The following ARL15 variants were observed in gnomAD, a reference collection of about 807,000 sequenced individuals.
ARL15 encodes ADP-ribosylation factor-like protein 15.
ARL15 carries 19 observed loss-of-function variants against 25.2 expected under a neutral mutation model. That is an observed-to-expected ratio of 0.75 (90% CI 0.53 to 1.10). ARL15 has a LOEUF of 1.10. Ranked by LOEUF, ARL15 falls within the 50% of genes least tolerant of loss-of-function variation. ARL15 has a pLI of 0.00. For synonymous variants in ARL15, 94 were observed against 86.8 expected, an observed-to-expected ratio of 1.08 and a Z score of -0.46; for missense variants, 220 against 246.0, an observed-to-expected ratio of 0.89 and a Z score of 0.71.
Position 53,922,475 on chromosome 5 carries a change from T to G in ARL15, c.463-35762A>C, listed in dbSNP as rs574824751. ...GTCCCCTAACTTTCTGTGTAGATAA[T>G]GTTTAGTACAAGAGGAACATTTAAG... On this transcript the variant is annotated intron_variant, in intron 4 of 4. Transcript: ENST00000504924. 3.9e-5 allele frequency among the ~76,000 whole-genome samples: 6 copies of G among 152,052 alleles called. No homozygotes were observed. In the South Asian group the frequency reaches 6.2e-4, roughly 16 times the overall value.
At chr5:54,234,925 T>C (rs1272141205) in intron 1 of ARL15, among the ~76,000 whole-genome samples, 1 of 152,210 alleles carries the variant, frequency 6.6e-6, no homozygotes. Flanking sequence ...AAACCAAATC[T>C]AGTTTGAATG....
At chr5:54,195,030 T>G (rs1457763943) in intron 1 of ARL15, among the ~76,000 whole-genome samples, 1 of 152,180 alleles carries the variant, frequency 6.6e-6, no homozygotes, top group African/African-American at 2.4e-5. Context: ...GGATGTTTAT[T>G]TACTCAGAAA....
At chr5:54,055,884 C>T (rs1750854531) in intron 4 of ARL15, among the ~76,000 whole-genome samples, 1 of 152,142 alleles carries the variant, frequency 6.6e-6, no homozygotes, top group Admixed American at 6.5e-5. Flanking sequence ...TCCTCCTCCA[C>T]CCACTAGTGA....
chr5:54,188,752 C>A (rs1020174054), intron 1 of ARL15, among the ~76,000 whole-genome samples: 1 of 152,138 alleles, frequency 6.6e-6, no homozygotes, highest in Admixed American at 6.6e-5. Flanking sequence ...CTCATTGTCA[C>A]ATAATCTGGG....
intron 4 of ARL15, among the ~76,000 whole-genome samples, chr5:53,961,928 G>C (rs1747386041): frequency 6.6e-6 from 1 of 152,132 alleles, no homozygotes; most frequent in Admixed American, 6.5e-5. Context: ...TTTTCAGGGA[G>C]CATATGGAGT....
chr5:54,088,978 C>T (rs372421297), intron 4 of ARL15, among the ~76,000 whole-genome samples: 1 of 152,126 alleles, frequency 6.6e-6, no homozygotes, highest in African/African-American at 2.4e-5. Context: ...ACAAATCTCA[C>T]TGAAGAACAA....
chr5:54,285,130 T>C (rs1477456263), intron 1 of ARL15, among the ~76,000 whole-genome samples: 2 of 152,200 alleles, frequency 1.3e-5, no homozygotes, highest in East Asian at 1.9e-4. Flanking sequence ...GTAATATTCA[T>C]AAATCTACAT....
chr5:54,039,476 G>T (rs1750265263), intron 4 of ARL15, among the ~76,000 whole-genome samples: 1 of 152,070 alleles, frequency 6.6e-6, no homozygotes, highest in Admixed American at 6.6e-5. Flanking sequence ...AAAGAATATG[G>T]TGACATCAGG....
At chr5:53,903,680 G>T (rs1468160330) in intron 4 of ARL15, among the ~76,000 whole-genome samples, 1 of 152,146 alleles carries the variant, frequency 6.6e-6, no homozygotes, top group Admixed American at 6.5e-5. Context: ...GGACTGGGAG[G>T]GTAGACCAGG....
At chr5:54,109,670 A>C (rs1752687704) in intron 4 of ARL15, among the ~76,000 whole-genome samples, 1 of 152,024 alleles carries the variant, frequency 6.6e-6, no homozygotes, top group Non-Finnish European at 1.5e-5. Context: ...CAAATGAGAA[A>C]CCAACCTATT....
intron 1 of ARL15, among the ~76,000 whole-genome samples, chr5:54,260,194 C>A (rs1757466872): frequency 6.6e-6 from 1 of 152,178 alleles, no homozygotes; most frequent in Admixed American, 6.5e-5. Flanking sequence ...ATCCTGCACT[C>A]TGCACTCTTC....
intron 1 of ARL15, among the ~76,000 whole-genome samples, chr5:54,299,250 G>T (rs1758550083): frequency 6.6e-6 from 1 of 152,096 alleles, no homozygotes; most frequent in African/African-American, 2.4e-5. Flanking sequence ...CATAAAAGCT[G>T]CATGTATACT....
At chr5:54,303,607 G>A (rs1758668317) in intron 1 of ARL15, among the ~76,000 whole-genome samples, 1 of 145,824 alleles carries the variant, frequency 6.9e-6, no homozygotes, top group East Asian at 2.0e-4. Flanking sequence ...ACTGAGTAAG[G>A]AGATCGCACC....
At chr5:54,122,437 G>A (rs768087918) in intron 3 of ARL15, among the ~76,000 whole-genome samples, 10 of 152,226 alleles carry the variant, frequency 6.6e-5, no homozygotes, top group Non-Finnish European at 1.3e-4. Context: ...GCATGCGTGC[G>A]CAATGTGCGT....
intron 4 of ARL15, among the ~76,000 whole-genome samples, chr5:53,927,922 G>A (rs3776739): frequency 0.093 from 14,214 of 152,088 alleles, 924 homozygotes; most frequent in East Asian, 0.33. Context: ...AACCACCCCG[G>A]GCTTCATCTT....
chr5:53,944,899 A>C (rs13187145), intron 4 of ARL15, among the ~76,000 whole-genome samples: 41,612 of 152,118 alleles, frequency 0.27, 6,072 homozygotes, highest in African/African-American at 0.36. Context: ...TAGCCCAATT[A>C]AGTTACACTA....
chr5:54,029,306 T>TACCACCACCACC (rs1168500786), intron 4 of ARL15, among the ~76,000 whole-genome samples: 45 of 120,014 alleles, frequency 3.7e-4, no homozygotes, highest in Admixed American at 7.7e-4. Context: ...TAAAAACAGT[T>TACCACCACCACC]ACCACCACCA....
At chr5:53,925,201 AT>A (rs70986650) in intron 4 of ARL15, among the ~76,000 whole-genome samples, 11,640 of 147,148 alleles carry the variant, frequency 0.079, 636 homozygotes, top group African/African-American at 0.15. Context: ...TATTTTTATA[AT>A]TTTTTTTTTT....
intron 4 of ARL15, among the ~76,000 whole-genome samples, chr5:54,000,900 G>C (rs67473746): frequency 0.28 from 41,928 of 151,982 alleles, 6,027 homozygotes; most frequent in East Asian, 0.46. Context: ...GTGAGCCACT[G>C]TGCAGTCGCC....
Sources: allele counts gnomAD v4.1 joint callset (sites outside exome capture counted in the v4.1 genomes callset), GRCh38; gene constraint gnomAD v4.1.1; transcripts MANE v1.5; gene names NCBI Gene and HGNC (gene_info 2026-07-23, HGNC 2026-07-21).